Variants in NAALADL2 observed in about 807,000 individuals in gnomAD.
NAALADL2 encodes N-acetylated alpha-linked acidic dipeptidase like 2.
NAALADL2 carries 76 observed loss-of-function variants against 87.2 expected under a neutral mutation model. The ratio of observed to expected loss-of-function variants is 0.87; its 90% CI spans 0.72 to 1.05. The LOEUF (loss-of-function observed/expected upper bound fraction) is 1.05, where lower values mean the gene tolerates loss of function less well. Ranked by LOEUF, NAALADL2 falls within the 50% of genes least tolerant of loss-of-function variation. The pLI, the probability that NAALADL2 is intolerant of heterozygous loss-of-function variation, is 0.00. For synonymous variants in NAALADL2, 354 were observed against 331.0 expected, an observed-to-expected ratio of 1.07 and a Z score of -0.75; for missense variants, 1,089 against 945.8, an observed-to-expected ratio of 1.15 and a Z score of -1.99.
At chr3:175,712,259 A>T (rs1222165139) in intron 11 of NAALADL2, among the ~76,000 whole-genome samples, 2 of 152,038 alleles carry the variant, frequency 1.3e-5, no homozygotes. Context: ...TTGACATTTC[A>T]ATGAGATTAA....
chr3:174,914,763 A>G (rs1043227635), intron 1 of NAALADL2, among the ~76,000 whole-genome samples: 2 of 152,200 alleles, frequency 1.3e-5, no homozygotes, highest in African/African-American at 4.8e-5. Flanking sequence ...TTATTGGAAG[A>G]TCAATATCTG....
chr3:174,620,137 A>G (rs1186868227), intron 2 of NAALADL2, among the ~76,000 whole-genome samples: 3 of 152,024 alleles, frequency 2.0e-5, no homozygotes, highest in South Asian at 2.1e-4. Context: ...TCATTTATTC[A>G]TGGCCATCCT....
intron 2 of NAALADL2, among the ~76,000 whole-genome samples, chr3:175,211,485 C>T (rs779049230): frequency 1.4e-4 from 22 of 151,974 alleles, no homozygotes; most frequent in African/African-American, 2.6e-4. Flanking sequence ...ATTTTAGAAA[C>T]ATGCCTCTAT....
intron 5 of NAALADL2, among the ~76,000 whole-genome samples, chr3:175,418,313 G>A (rs1253568722): frequency 3.9e-5 from 6 of 151,992 alleles, no homozygotes; most frequent in Admixed American, 3.9e-4. Flanking sequence ...TCTAGTTTGG[G>A]GCCTCTGCCA....
intron 2 of NAALADL2, among the ~76,000 whole-genome samples, chr3:175,160,000 C>CTTTCTTTTT (rs1732898042): frequency 7.5e-6 from 1 of 134,120 alleles, no homozygotes; most frequent in East Asian, 2.2e-4. Flanking sequence ...CCACTCGTGA[C>CTTTCTTTTT]TTTTTTTTTT....
At chr3:175,189,079 T>C (rs772383638) in intron 2 of NAALADL2, among the ~76,000 whole-genome samples, 2 of 152,184 alleles carry the variant, frequency 1.3e-5, no homozygotes, top group Non-Finnish European at 2.9e-5. Flanking sequence ...CTTCATCTTA[T>C]GGTTTCAACA....
At chr3:175,195,917 T>C (rs375696438) in intron 2 of NAALADL2, among the ~76,000 whole-genome samples, 15 of 152,038 alleles carry the variant, frequency 9.9e-5, no homozygotes, top group African/African-American at 3.1e-4. Flanking sequence ...GTAATGAGCT[T>C]TAAAGATGCT....
chr3:174,675,521 TTGA>T (rs1471039624), intron 2 of NAALADL2, among the ~76,000 whole-genome samples: 2 of 152,084 alleles, frequency 1.3e-5, no homozygotes, highest in African/African-American at 2.4e-5. Flanking sequence ...CAGCAAATAC[TTGA>T]TGGTAAAAAA....
intron 1 of NAALADL2, among the ~76,000 whole-genome samples, chr3:174,954,471 C>T (rs1025407868): frequency 6.6e-6 from 1 of 151,968 alleles, no homozygotes; most frequent in Non-Finnish European, 1.5e-5. Context: ...GGGAAATAAA[C>T]CTCAGGATAT....
In NAALADL2 at chr3:175,659,242, G is replaced by A. The variant is rs142009905; in HGVS notation, c.1896+31856G>A. ...TTACCTAAGCCTTTAATATTGTTAC[G>A]GCTTTATTTGAATTTCATGTGAATA... On this transcript the variant is annotated intron_variant, in intron 11 of 13. Coordinates refer to ENST00000454872, the MANE Select transcript of NAALADL2 (RefSeq NM_207015.3). 1.5e-3 allele frequency among the ~76,000 whole-genome samples: 229 copies of A among 152,060 alleles called. 1 individual carries two copies. Among genetic ancestry groups the A allele is most frequent in the African/African-American group, 5.0e-3 (208 of 41,498 alleles).
chr3:175,016,278 A>ATAT (rs58474829), intron 1 of NAALADL2, among the ~76,000 whole-genome samples: 11,148 of 144,724 alleles, frequency 0.077, 401 homozygotes, highest in Middle Eastern at 0.16. Flanking sequence ...TATATATATA[A>ATAT]AAAACAATAG....
chr3:175,280,465 G>A lies in NAALADL2; in HGVS notation c.939+23935G>A, dbSNP rs188856914. Among the ~76,000 whole-genome samples, 15 of 152,102 alleles carry A rather than the reference G, an allele frequency of 9.9e-5. No individual in the cohort carries two copies. The East Asian group carries it at 1.7e-3, about 18-fold the overall frequency. On this transcript the variant is annotated intron_variant, in intron 4 of 13. Coordinates refer to ENST00000454872, the MANE Select transcript of NAALADL2 (RefSeq NM_207015.3). ...ACCTCCTCAACTACATTATACATTC[G>A]TAGTAAACTGTGTTGGGAAGAAATC...
intron 2 of NAALADL2, among the ~76,000 whole-genome samples, chr3:175,119,809 A>ATATAAAAGTATATATATACTTATGTATC (rs1725869269): frequency 1.4e-4 from 8 of 55,882 alleles, no homozygotes; most frequent in Admixed American, 6.4e-4. Flanking sequence ...TTATGTATCT[A>ATATAAAAGTATATATATACTTATGTATC]TATATAAAAG....
intron 5 of NAALADL2, among the ~76,000 whole-genome samples, chr3:175,360,858 A>T (rs762653217): frequency 1.5e-5 from 2 of 135,694 alleles, no homozygotes. Flanking sequence ...GTATCTCACA[A>T]TTTCTTTTTT....
chr3:174,984,640 T>C (rs1436380699), intron 1 of NAALADL2, among the ~76,000 whole-genome samples: 1 of 152,176 alleles, frequency 6.6e-6, no homozygotes, highest in Admixed American at 6.5e-5. Flanking sequence ...TACAGATTGA[T>C]ATCAATTTTT....
chr3:174,690,773 T>C (rs1728501985), intron 2 of NAALADL2, among the ~76,000 whole-genome samples: 1 of 152,270 alleles, frequency 6.6e-6, no homozygotes, highest in East Asian at 1.9e-4. Context: ...ATTTGCAAAG[T>C]AGAATTCTTA....
chr3:174,787,594 T>TATATATATAC (rs1716877901), intron 3 of NAALADL2, among the ~76,000 whole-genome samples: 1 of 65,916 alleles, frequency 1.5e-5, no homozygotes, highest in Non-Finnish European at 3.3e-5. Context: ...TATATATATA[T>TATATATATAC]ATATATATAT....
chr3:175,055,377 C>T (rs777925793), intron 1 of NAALADL2, among the ~76,000 whole-genome samples: 65 of 152,196 alleles, frequency 4.3e-4, no homozygotes, highest in Admixed American at 6.5e-4. Context: ...TTAAACTAGA[C>T]CTTCCTAGAA....
chr3:174,957,551 A>T (rs1036119651), intron 1 of NAALADL2, among the ~76,000 whole-genome samples: 2 of 152,038 alleles, frequency 1.3e-5, no homozygotes, highest in Non-Finnish European at 2.9e-5. Flanking sequence ...TAGCTTCTAG[A>T]GGCTGAGAAG....
Sources: gnomAD v4.1 joint callset for allele counts (sites outside exome capture counted in the v4.1 genomes callset) on GRCh38, gnomAD v4.1.1 for gene constraint, MANE v1.5 for transcripts, NCBI Gene and HGNC (gene_info 2026-07-23, HGNC 2026-07-21) for gene names.